ARHGAP8: variants seen among roughly 807,000 people sequenced by gnomAD.
ARHGAP8 encodes the protein Rho GTPase activating protein 8.
Under a neutral mutation model 46.1 loss-of-function variants are expected in ARHGAP8, and 62 were observed. That is an observed-to-expected ratio of 1.34 (90% CI 1.10 to 1.66). The LOEUF (loss-of-function observed/expected upper bound fraction) is 1.66. Among genes scored for constraint, ARHGAP8 ranks in the 40% most tolerant of loss-of-function variants. The pLI is 0.00. For missense variants in ARHGAP8, 923 were observed against 568.4 expected (o/e 1.62, Z -6.34); for synonymous variants, 375 against 243.1 (o/e 1.54, Z -5.05).
intron 5 of ARHGAP8, among the ~76,000 whole-genome samples, chr22:44,821,996 CAG>C (rs1184050739): frequency 6.6e-6 from 1 of 152,264 alleles, no homozygotes; most frequent in African/African-American, 2.4e-5. Context: ...GCTTCAACCT[CAG>C]AGCTGCTCTC....
At position 44,830,985 on chromosome 22, in the gene ARHGAP8, A is replaced by G. The variant is rs535699326; in HGVS notation, c.596+5392A>G. Among the ~76,000 whole-genome samples, 3 of 152,214 alleles carry G rather than the reference A, an allele frequency of 2.0e-5. No homozygotes were observed. In the South Asian group the frequency reaches 6.2e-4, roughly 32 times the overall value. ...GTTTACCTTCTTTGGAAAAATGTAT[A>G]TTCACTAGATCGTTTGCCCATTTTT... On this transcript the variant is annotated intron_variant, in intron 7 of 11. Coordinates refer to ENST00000356099, the MANE Select transcript of ARHGAP8 (RefSeq NM_181335.3).
chr22:44,861,422 T>C (rs58755409), intron 11 of ARHGAP8, among the ~76,000 whole-genome samples: 4,892 of 152,230 alleles, frequency 0.032, 214 homozygotes, highest in African/African-American at 0.1. Context: ...TGGCCTGCAG[T>C]GGGCCTGGCT....
intron 2 of ARHGAP8, among the ~76,000 whole-genome samples, chr22:44,801,417 A>G (rs13054259): frequency 0.045 from 1,631 of 36,464 alleles, 12 homozygotes; most frequent in Admixed American, 0.071. Context: ...GCCCCTCCCC[A>G]CAGCTGTCCA....
chr22:44,809,005 G>A (rs1012290510), intron 4 of ARHGAP8: 3 of 424,050 alleles, frequency 7.1e-6, no homozygotes, highest in Non-Finnish European at 1.4e-5. Flanking sequence ...TTTTTTTGTA[G>A]AGACGGGGAT....
chr22:44,846,131 C>T (rs1182717237), intron 8 of ARHGAP8, among the ~76,000 whole-genome samples: 2 of 152,218 alleles, frequency 1.3e-5, no homozygotes, highest in Admixed American at 1.3e-4. Flanking sequence ...AAGCAGACCC[C>T]AGCTCTGCCC....
chr22:44,856,839 C>T (rs1319037462), intron 10 of ARHGAP8, among the ~76,000 whole-genome samples: 2 of 144,676 alleles, frequency 1.4e-5, no homozygotes, highest in East Asian at 2.0e-4. Context: ...CCGAATGTGG[C>T]TCTGCTGGTC....
chr22:44,753,135 G>A (rs1335936308), intron 1 of ARHGAP8, among the ~76,000 whole-genome samples: 1 of 152,082 alleles, frequency 6.6e-6, no homozygotes. Flanking sequence ...GGAGGCCGGG[G>A]CAGGTGCTGC....
chr22:44,861,290 G>A (rs2070469556), intron 11 of ARHGAP8, among the ~76,000 whole-genome samples: 1 of 152,136 alleles, frequency 6.6e-6, no homozygotes, highest in South Asian at 2.1e-4. Flanking sequence ...TTTTCATTAG[G>A]AGAGACTGAT....
In ARHGAP8 at chr22:44,772,222, CCTT is replaced by C. The variant is rs1171438813; in HGVS notation, c.-71-14234_-71-14232del. Among the ~76,000 whole-genome samples the C allele has an allele frequency of 1.5e-3, 12 of 7,792 alleles. No homozygotes were observed. The East Asian group carries it at 0.03, about 20-fold the overall frequency. 5.1% of individuals were successfully genotyped at this position (7,792 alleles called of 152,430 possible). A position where few individuals can be genotyped will look rare whatever the true frequency, so the allele number is the denominator to read the frequency against. Reference sequence around the variant, plus strand: ...ATGTTTCTGTTTTACTACTGTTTTGCCTTTTTTTTTTTTTTTTTTTTTTTTTTT... The same window carrying C: ...ATGTTTCTGTTTTACTACTGTTTTGCTTTTTTTTTTTTTTTTTTTTTTTTT... On this transcript the variant is annotated intron_variant, in intron 1 of 11. Coordinates refer to ENST00000356099, the MANE Select transcript of ARHGAP8 (RefSeq NM_181335.3).
chr22:44,784,737 C>A (rs1478172526), intron 1 of ARHGAP8, among the ~76,000 whole-genome samples: 2 of 152,204 alleles, frequency 1.3e-5, no homozygotes, highest in Non-Finnish European at 2.9e-5. Flanking sequence ...TGCACAGGGT[C>A]CAGGGAGCGG....
intron 8 of ARHGAP8, among the ~76,000 whole-genome samples, chr22:44,846,407 TG>T (rs2069957260): frequency 6.6e-6 from 1 of 152,168 alleles, no homozygotes; most frequent in African/African-American, 2.4e-5. Flanking sequence ...AAATGTGCTT[TG>T]GCACGAGAGT....
Position 44,761,278 on chromosome 22 carries a change from A to C in ARHGAP8, c.-72+8651A>C, listed in dbSNP as rs189508650. Among the ~76,000 whole-genome samples, 617 of 152,144 alleles carry C rather than the reference A, an allele frequency of 4.1e-3. 7 individuals are homozygous for C. Among genetic ancestry groups the C allele is most frequent in the African/African-American group, 0.015 (603 of 41,510 alleles). Reference sequence around the variant, plus strand: ...GCATCCGTGGCCTCTGTAACCGTGGACTCTGTATCCATGGGCTCCATATTA... The same window carrying C: ...GCATCCGTGGCCTCTGTAACCGTGGCCTCTGTATCCATGGGCTCCATATTA... On this transcript the variant is annotated intron_variant, in intron 1 of 11. Transcript: ENST00000356099.
At position 44,772,226 on chromosome 22, in the gene ARHGAP8, T is replaced by A. The variant is rs1470561446; in HGVS notation, c.-71-14231T>A. Among the ~76,000 whole-genome samples the A allele has an allele frequency of 2.0e-4, 10 of 49,742 alleles. No homozygotes were observed. The East Asian group carries it at 6.0e-3, about 30-fold the overall frequency. The allele number at this position is 49,742 out of a possible 152,430, so 32.6% of individuals were successfully genotyped here. On this transcript the variant is annotated intron_variant, in intron 1 of 11. Coordinates refer to ENST00000356099, the MANE Select transcript of ARHGAP8 (RefSeq NM_181335.3). ...TTCTGTTTTACTACTGTTTTGCCTT[T>A]TTTTTTTTTTTTTTTTTTTTTTTTT...
chr22:44,794,794 A>G (rs938731134), intron 2 of ARHGAP8, among the ~76,000 whole-genome samples: 1 of 152,052 alleles, frequency 6.6e-6, no homozygotes, highest in African/African-American at 2.4e-5. Flanking sequence ...AAGGAACCCA[A>G]CTTCTCTGTC....
chr22:44,800,616 A>C (rs577255808), intron 2 of ARHGAP8, among the ~76,000 whole-genome samples: 2 of 30,760 alleles, frequency 6.5e-5, no homozygotes, highest in Admixed American at 3.5e-4. Context: ...GCAGCTGTCC[A>C]TGTGTGGGGG....
rs142271165 is a variant in ARHGAP8, at chr22:44,795,412, A to C, written c.80-6665A>C. On this transcript the variant is annotated intron_variant, in intron 2 of 11. Coordinates refer to ENST00000356099, the MANE Select transcript of ARHGAP8 (RefSeq NM_181335.3). Reference sequence around the variant, plus strand: ...TCGGGCCCTGTGGCTGGCTGAACTGAGTCCAAGTTTCTCAGGTGGGAATTC... The same window carrying C: ...TCGGGCCCTGTGGCTGGCTGAACTGCGTCCAAGTTTCTCAGGTGGGAATTC... Among the ~76,000 whole-genome samples the C allele has an allele frequency of 4.2e-3, 638 of 152,120 alleles. 3 individuals are homozygous for C. The highest frequency in any genetic ancestry group is 0.014 in the African/African-American group (601 of 41,484).
At chr22:44,849,149 C>A in intron 10 of ARHGAP8, 89 bp downstream of exon 10, 2 of 1,583,840 alleles carry the variant, frequency 1.3e-6, no homozygotes, top group South Asian at 1.1e-5. Context: ...TCTGGGGTGG[C>A]CGAGGTGACG....
chr22:44,787,665 T>C (rs5766013), intron 2 of ARHGAP8, among the ~76,000 whole-genome samples: 65,082 of 151,938 alleles, frequency 0.43, 14,297 homozygotes, highest in East Asian at 0.55. Flanking sequence ...TTAATTTAGG[T>C]CTGAGCATGC....
chr22:44,856,175 T>G (rs181272785), intron 10 of ARHGAP8, among the ~76,000 whole-genome samples: 13 of 151,636 alleles, frequency 8.6e-5, no homozygotes, highest in Admixed American at 3.3e-4. Flanking sequence ...GGATTACATT[T>G]CAATGTGAGG....
Sources: gnomAD v4.1 joint callset for allele counts (sites outside exome capture counted in the v4.1 genomes callset) on GRCh38, gnomAD v4.1.1 for gene constraint, MANE v1.5 for transcripts, NCBI Gene and HGNC (gene_info 2026-07-23, HGNC 2026-07-21) for gene names.